Variants in CD247 observed in about 807,000 individuals in gnomAD.
CD247 encodes T-cell surface glycoprotein CD3 zeta chain.
A neutral mutation model predicts 30.0 loss-of-function variants in CD247; 13 were observed. The ratio of observed to expected loss-of-function variants is 0.43; its 90% CI spans 0.28 to 0.69. The LOEUF is 0.69. Ranked by LOEUF, CD247 falls within the 30% of genes least tolerant of loss-of-function variation. The probability of loss-of-function intolerance (pLI) is 0.16; values close to 1 mark genes in which losing one functional copy is unlikely to be tolerated. For synonymous variants in CD247, 72 were observed against 80.0 expected, an observed-to-expected ratio of 0.90 and a Z score of 0.53; for missense variants, 193 against 212.6, an observed-to-expected ratio of 0.91 and a Z score of 0.57.
intron 4 of CD247, among the ~76,000 whole-genome samples, chr1:167,437,406 A>AG (rs869103063): frequency 3.2e-4 from 1 of 3,162 alleles, no homozygotes; most frequent in Non-Finnish European, 1.1e-3. Context: ...ACGCTGTCTC[A>AG]AAAAAAAAAA....
At chr1:167,437,196 A>G (rs1362760432) in intron 4 of CD247, among the ~76,000 whole-genome samples, 1 of 152,166 alleles carries the variant, frequency 6.6e-6, no homozygotes, top group African/African-American at 2.4e-5. Context: ...TGAGGTCGAA[A>G]GTTCGAGACC....
At chr1:167,459,686 C>T (rs538530386) in intron 1 of CD247, 3 of 152,042 alleles carry the variant, frequency 2.0e-5, no homozygotes, top group African/African-American at 4.8e-5. Context: ...CAACTGGACT[C>T]GCTTTAAATG....
intron 1 of CD247, among the ~76,000 whole-genome samples, chr1:167,450,037 T>C (rs1227193968): frequency 6.6e-6 from 1 of 152,256 alleles, no homozygotes; most frequent in Non-Finnish European, 1.5e-5. Flanking sequence ...ATTTTACTAT[T>C]AATAAATATC....
chr1:167,437,737 T>C (rs1451732836), intron 4 of CD247, among the ~76,000 whole-genome samples: 1 of 152,176 alleles, frequency 6.6e-6, no homozygotes, highest in Non-Finnish European at 1.5e-5. Context: ...GGGGAGATGA[T>C]AGTCACAGGG....
At chr1:167,485,876 G>C (rs763972955) in intron 1 of CD247, among the ~76,000 whole-genome samples, 7 of 152,154 alleles carry the variant, frequency 4.6e-5, no homozygotes, top group Non-Finnish European at 8.8e-5. Context: ...GTGGATGTTG[G>C]GGGTGGGGAA....
At chr1:167,431,883 C>A (rs1292599541) in intron 7 of CD247, 137 bp from the exon 8 acceptor site, 2 of 741,018 alleles carry the variant, frequency 2.7e-6, no homozygotes, top group Non-Finnish European at 4.9e-6. Flanking sequence ...CAGGAATAAT[C>A]CCCCTGGCCC....
At chr1:167,488,039 C>T (rs1654287688) in intron 1 of CD247, among the ~76,000 whole-genome samples, 1 of 152,160 alleles carries the variant, frequency 6.6e-6, no homozygotes, top group Non-Finnish European at 1.5e-5. Flanking sequence ...TGTGCCAGCC[C>T]CACAATACTA....
chr1:167,445,497 T>G (rs2102002605), intron 1 of CD247, among the ~76,000 whole-genome samples: 1 of 152,190 alleles, frequency 6.6e-6, no homozygotes, highest in Non-Finnish European at 1.5e-5. Context: ...GTGAGTCTAA[T>G]TAGTGACAGT....
In CD247 at chr1:167,470,850, T is replaced by A. The variant is rs550856130; in HGVS notation, c.59-30083A>T. ...ACATCCTTGAACACAAATATTTTATTCCACTGATTATTTCTTTCTTTCTTT... is the reference window on the plus strand; with the variant it reads ...ACATCCTTGAACACAAATATTTTATACCACTGATTATTTCTTTCTTTCTTT... On this transcript the variant is annotated intron_variant, in intron 1 of 7. Coordinates refer to ENST00000362089, the MANE Select transcript of CD247 (RefSeq NM_198053.3). Among the ~76,000 whole-genome samples the A allele has an allele frequency of 3.3e-5, 5 of 151,652 alleles. No individual in the cohort carries two copies. In the South Asian group the frequency reaches 1.0e-3, roughly 32 times the overall value.
At chr1:167,481,203 C>G (rs543553764) in intron 1 of CD247, among the ~76,000 whole-genome samples, 70 of 152,266 alleles carry the variant, frequency 4.6e-4, no homozygotes, top group Non-Finnish European at 5.0e-4. Flanking sequence ...GGGAGGATCA[C>G]TTAAGCCTGA....
chr1:167,497,091 AC>A (rs1381651422), intron 1 of CD247, among the ~76,000 whole-genome samples: 11 of 152,370 alleles, frequency 7.2e-5, no homozygotes, highest in African/African-American at 2.6e-4. Context: ...TAAATGTCTG[AC>A]AAAAGACAGT....
At chr1:167,475,255 C>T (rs1051539835) in intron 1 of CD247, among the ~76,000 whole-genome samples, 11 of 152,114 alleles carry the variant, frequency 7.2e-5, no homozygotes, top group African/African-American at 2.2e-4. Flanking sequence ...GTGCACCTGT[C>T]GCACAACATC....
At chr1:167,496,121 G>T (rs34924762) in intron 1 of CD247, among the ~76,000 whole-genome samples, 3,218 of 152,204 alleles carry the variant, frequency 0.021, 66 homozygotes, top group Non-Finnish European at 0.035. Flanking sequence ...AATAAATATT[G>T]GTTGAATAAA....
chr1:167,465,621 G>A (rs12065895), intron 1 of CD247, among the ~76,000 whole-genome samples: 10,097 of 152,172 alleles, frequency 0.066, 447 homozygotes, highest in East Asian at 0.19. Context: ...GTGAGCCACC[G>A]CACCCAGCCC....
intron 1 of CD247, among the ~76,000 whole-genome samples, chr1:167,451,140 C>T (rs1422541512): frequency 1.3e-5 from 2 of 151,708 alleles, no homozygotes; most frequent in Non-Finnish European, 2.9e-5. Context: ...GGGTAGGTAG[C>T]ATGAATGAGG....
chr1:167,493,832 G>A (rs1307620249), intron 1 of CD247, among the ~76,000 whole-genome samples: 1 of 152,188 alleles, frequency 6.6e-6, no homozygotes, highest in African/African-American at 2.4e-5. Context: ...TGTTTAAGAA[G>A]CATTTTCCAT....
At chr1:167,492,134 T>G (rs781181753) in intron 1 of CD247, among the ~76,000 whole-genome samples, 1 of 152,212 alleles carries the variant, frequency 6.6e-6, no homozygotes, top group Non-Finnish European at 1.5e-5. Context: ...TTTTATGTTA[T>G]GTGTATTTTA....
chr1:167,490,596 C>A (rs752356691), intron 1 of CD247, among the ~76,000 whole-genome samples: 4 of 151,766 alleles, frequency 2.6e-5, no homozygotes, highest in African/African-American at 9.7e-5. Flanking sequence ...GCACTCCAGC[C>A]TGGGCAACAA....
intron 1 of CD247, among the ~76,000 whole-genome samples, chr1:167,444,921 A>G (rs759355602): frequency 3.3e-5 from 5 of 151,968 alleles, no homozygotes; most frequent in Admixed American, 6.6e-5. Flanking sequence ...GTGAGGGTTA[A>G]ATACGATACT....
Sources: gnomAD v4.1 joint callset for allele counts (sites outside exome capture counted in the v4.1 genomes callset) on GRCh38, gnomAD v4.1.1 for gene constraint, MANE v1.5 for transcripts, NCBI Gene and HGNC (gene_info 2026-07-23, HGNC 2026-07-21) for gene names.